DLG2: variants seen among roughly 807,000 people sequenced by gnomAD.
DLG2 encodes the protein discs large MAGUK scaffold protein 2, also known as disks large homolog 2.
Under a neutral mutation model 132.5 loss-of-function variants are expected in DLG2, and 45 were observed. The observed-to-expected ratio is 0.34, with a 90% confidence interval of 0.27 to 0.44. The LOEUF is 0.44. DLG2 is among the 20% of genes least tolerant of loss of function. DLG2 has a pLI of 1.00. For missense variants in DLG2, 1,045 were observed against 1,196.9 expected, an observed-to-expected ratio of 0.87 and a Z score of 1.87; for synonymous variants, 424 against 419.6, an observed-to-expected ratio of 1.01 and a Z score of -0.13.
chr11:84,441,267 C>T (rs1567642692), intron 7 of DLG2, among the ~76,000 whole-genome samples: 1 of 152,068 alleles, frequency 6.6e-6, no homozygotes, highest in East Asian at 1.9e-4. Context: ...CTCCCTCAGC[C>T]TCCAGGGTAG....
At chr11:84,792,383 G>A (rs2073979392) in intron 6 of DLG2, among the ~76,000 whole-genome samples, 1 of 151,948 alleles carries the variant, frequency 6.6e-6, no homozygotes, top group African/African-American at 2.4e-5. Flanking sequence ...GAATATTAGT[G>A]TACAGTTTTA....
intron 7 of DLG2, among the ~76,000 whole-genome samples, chr11:84,348,304 C>T (rs532332549): frequency 2.6e-5 from 4 of 152,058 alleles, no homozygotes; most frequent in African/African-American, 7.2e-5. Context: ...AGCTCAAGGA[C>T]GTTAAGTAAT....
intron 7 of DLG2, among the ~76,000 whole-genome samples, chr11:84,306,993 A>C (rs1231028865): frequency 2.0e-5 from 3 of 152,260 alleles, no homozygotes; most frequent in Non-Finnish European, 4.4e-5. Context: ...ATTACTGAGT[A>C]TATACCCGAA....
chr11:84,112,461 T>A (rs974822947), intron 9 of DLG2, among the ~76,000 whole-genome samples: 2 of 151,954 alleles, frequency 1.3e-5, no homozygotes, highest in African/African-American at 4.8e-5. Context: ...TAAAAACTTC[T>A]AAATGTTGAA....
chr11:84,392,783 T>G (rs1191467580), intron 7 of DLG2, among the ~76,000 whole-genome samples: 1 of 152,216 alleles, frequency 6.6e-6, no homozygotes, highest in African/African-American at 2.4e-5. Flanking sequence ...TAACGTTTAC[T>G]TATCAAATTC....
At chr11:84,004,637 CAAT>C (rs1168760835) in intron 11 of DLG2, among the ~76,000 whole-genome samples, 10 of 151,868 alleles carry the variant, frequency 6.6e-5, no homozygotes, top group African/African-American at 2.2e-4. Context: ...TTCTGTACAA[CAAT>C]AATAGTCAAA....
At chr11:84,660,554 T>C (rs1360897911) in intron 6 of DLG2, among the ~76,000 whole-genome samples, 1 of 152,106 alleles carries the variant, frequency 6.6e-6, no homozygotes, top group Non-Finnish European at 1.5e-5. Context: ...AGAGTAGAAA[T>C]GCTAGAATCT....
chr11:83,464,852 G>A (rs887717299), intron 26 of DLG2, among the ~76,000 whole-genome samples: 2 of 152,106 alleles, frequency 1.3e-5, no homozygotes, highest in African/African-American at 4.8e-5. Context: ...TCTGAAACAG[G>A]CCTTTAAGAT....
intron 19 of DLG2, among the ~76,000 whole-genome samples, chr11:83,544,643 C>T (rs917069647): frequency 6.6e-6 from 1 of 152,144 alleles, no homozygotes; most frequent in South Asian, 2.1e-4. Context: ...ACCATGATGG[C>T]TACTACTACT....
At chr11:84,941,849 T>A (rs2049474439) in intron 6 of DLG2, among the ~76,000 whole-genome samples, 1 of 152,106 alleles carries the variant, frequency 6.6e-6, no homozygotes, top group African/African-American at 2.4e-5. Context: ...CTGGTAAAAA[T>A]TTAGCAGTGA....
chr11:84,272,626 C>T lies in DLG2; in HGVS notation c.520-21335G>A, dbSNP rs187614519. ...ATTCACTTTACATAGCTATACACAA[C>T]TTCTGTCAGAAATTTTTACAAAATC... On this transcript the variant is annotated intron_variant, in intron 7 of 27. Transcript: ENST00000376104. Among the ~76,000 whole-genome samples the T allele has an allele frequency of 2.6e-5, 4 of 152,250 alleles. No individual in the cohort carries two copies. In the East Asian group the frequency reaches 7.7e-4, roughly 29 times the overall value.
At chr11:84,205,115 G>T (rs1305819645) in intron 8 of DLG2, among the ~76,000 whole-genome samples, 1 of 152,170 alleles carries the variant, frequency 6.6e-6, no homozygotes, top group Non-Finnish European at 1.5e-5. Flanking sequence ...AGATGATGTA[G>T]ACTGTAAAAC....
intron 11 of DLG2, among the ~76,000 whole-genome samples, chr11:84,016,165 C>T (rs1363403397): frequency 6.6e-6 from 1 of 151,970 alleles, no homozygotes. Context: ...TGTTTGTTGG[C>T]CACACCTCTG....
At position 83,877,378 on chromosome 11, in the gene DLG2, G is replaced by A. The variant is rs183301657; in HGVS notation, c.1497-2890C>T. Among the ~76,000 whole-genome samples the A allele has an allele frequency of 2.1e-3, 320 of 152,110 alleles. 3 individuals carry two copies. Among genetic ancestry groups the A allele is most frequent in the African/African-American group, 7.5e-3 (312 of 41,530 alleles). On this transcript the variant is annotated intron_variant, in intron 15 of 27. Coordinates refer to ENST00000376104, the MANE Select transcript of DLG2 (RefSeq NM_001142699.3). ...TCCACTGATCTAGAAAGTACCAACA[G>A]TTCTTAGGCAGCTCAATTATGGTCA...
chr11:84,596,379 C>CTTTT (rs1211350827), intron 6 of DLG2, among the ~76,000 whole-genome samples: 3 of 121,736 alleles, frequency 2.5e-5, no homozygotes, highest in Admixed American at 8.7e-5. Context: ...AGATAATTTT[C>CTTTT]TTTTTTTTTT....
intron 3 of DLG2, among the ~76,000 whole-genome samples, chr11:85,502,985 C>A (rs1329737167): frequency 1.3e-5 from 2 of 151,876 alleles, no homozygotes; most frequent in Admixed American, 6.6e-5. Flanking sequence ...ATGATATATA[C>A]CAATAAAAAA....
At chr11:85,593,568 AG>A (rs2079519663) in intron 3 of DLG2, among the ~76,000 whole-genome samples, 1 of 152,226 alleles carries the variant, frequency 6.6e-6, no homozygotes, top group African/African-American at 2.4e-5. Context: ...TAACAAAAAA[AG>A]ATATAAATAA....
chr11:84,447,688 G>T (rs890502604), intron 7 of DLG2, among the ~76,000 whole-genome samples: 22 of 150,976 alleles, frequency 1.5e-4, no homozygotes, highest in Non-Finnish European at 1.9e-4. Context: ...TATTTATTTA[G>T]AGAATCTTTC....
At chr11:84,915,707 G>C (rs890195351) in intron 6 of DLG2, among the ~76,000 whole-genome samples, 5 of 152,138 alleles carry the variant, frequency 3.3e-5, no homozygotes, top group African/African-American at 1.2e-4. Context: ...TTTCATTAGA[G>C]AGGAAACTCT....
Sources: allele counts gnomAD v4.1 joint callset (sites outside exome capture counted in the v4.1 genomes callset), GRCh38; gene constraint gnomAD v4.1.1; transcripts MANE v1.5; gene names NCBI Gene and HGNC (gene_info 2026-07-23, HGNC 2026-07-21).